Variants in CHLSN observed in about 807,000 individuals in gnomAD.
CHLSN encodes the protein protein cholesin.
the CHLSN span, among the ~76,000 whole-genome samples, chr7:1,022,470 G>C: frequency 0.014 from 2,131 of 152,314 alleles, 102 homozygotes; most frequent in East Asian, 0.19. Flanking sequence ...CTTTTTCTGA[G>C]AAACAAGAGT....
At chr7:985,168 C>T in the CHLSN span, 85 of 1,581,016 alleles carry the variant, frequency 5.4e-5, no homozygotes, top group East Asian at 1.8e-4. Context: ...CCTCGCAGGC[C>T]GGCCCTTCCC....
At chr7:989,887 G>A in the CHLSN span, among the ~76,000 whole-genome samples, 1 of 149,082 alleles carries the variant, frequency 6.7e-6, no homozygotes, top group African/African-American at 2.5e-5. Context: ...GGTCGGCAGT[G>A]TGAGTGGCGC....
the CHLSN span, among the ~76,000 whole-genome samples, chr7:1,108,296 A>G: frequency 8.8e-6 from 1 of 113,198 alleles, no homozygotes; most frequent in Non-Finnish European, 1.9e-5. Flanking sequence ...GAAGCAGGGG[A>G]GGGCTGTGTC....
the CHLSN span, among the ~76,000 whole-genome samples, chr7:1,011,698 A>G: frequency 4.6e-5 from 7 of 150,754 alleles, no homozygotes; most frequent in Non-Finnish European, 8.9e-5. Flanking sequence ...CCACACACCC[A>G]GACACCCACA....
the CHLSN span, chr7:1,057,968 G>A: frequency 1.2e-3 from 898 of 771,418 alleles, 15 homozygotes; most frequent in South Asian, 0.011. Context: ...GCGGCTTCGT[G>A]TGGGGTGGCG....
At chr7:1,129,164 C>T in the CHLSN span, among the ~76,000 whole-genome samples, 1 of 30,928 alleles carries the variant, frequency 3.2e-5, no homozygotes, top group Non-Finnish European at 5.3e-5. Context: ...CACCGTCACC[C>T]GGGCTGGAGT....
the CHLSN span, chr7:1,025,734 G>C: frequency 3.3e-5 from 5 of 152,266 alleles, no homozygotes; most frequent in African/African-American, 1.2e-4. Flanking sequence ...CAGTGGAGCT[G>C]AGGGCTGGCG....
At chr7:1,113,125 G>A in the CHLSN span, among the ~76,000 whole-genome samples, 7 of 152,146 alleles carry the variant, frequency 4.6e-5, no homozygotes, top group South Asian at 1.2e-3. Context: ...ACACCCGCAC[G>A]TACAACCGTG....
At chr7:1,062,141 T>C in the CHLSN span, among the ~76,000 whole-genome samples, 1 of 152,242 alleles carries the variant, frequency 6.6e-6, no homozygotes, top group Non-Finnish European at 1.5e-5. Context: ...TATTTTTGTT[T>C]ATCCACAAAA....
At chr7:1,038,007 T>C in the CHLSN span, among the ~76,000 whole-genome samples, 3 of 88,214 alleles carry the variant, frequency 3.4e-5, no homozygotes, top group East Asian at 3.1e-4. Context: ...ACCCTCTGCC[T>C]GGCAACCACC....
At chr7:1,108,281 G>C in the CHLSN span, among the ~76,000 whole-genome samples, 1 of 145,276 alleles carries the variant, frequency 6.9e-6, no homozygotes, top group African/African-American at 2.6e-5. Context: ...CCCGCACCCC[G>C]GGGGGAAGCA....
chr7:1,054,130 A>G, the CHLSN span, among the ~76,000 whole-genome samples: 1 of 152,192 alleles, frequency 6.6e-6, no homozygotes, highest in Non-Finnish European at 1.5e-5. Flanking sequence ...GAGCCCACGG[A>G]GCAGCCCGCC....
chr7:1,126,076 G>A, the CHLSN span, among the ~76,000 whole-genome samples: 1 of 152,074 alleles, frequency 6.6e-6, no homozygotes, highest in African/African-American at 2.4e-5. Flanking sequence ...GAATAAAAAT[G>A]CAGGGCCTGG....
the CHLSN span, among the ~76,000 whole-genome samples, chr7:1,069,500 C>T: frequency 6.9e-6 from 1 of 145,700 alleles, no homozygotes; most frequent in East Asian, 2.0e-4. Flanking sequence ...CCTGCGATTG[C>T]AGGCACGCGC....
chr7:1,112,115 C>A, the CHLSN span, among the ~76,000 whole-genome samples: 17 of 152,318 alleles, frequency 1.1e-4, no homozygotes, highest in South Asian at 4.1e-4. Context: ...TGGCAAACAT[C>A]TGGGCTGATC....
chr7:1,063,471 A>G, the CHLSN span, among the ~76,000 whole-genome samples: 1 of 152,116 alleles, frequency 6.6e-6, no homozygotes, highest in Non-Finnish European at 1.5e-5. Context: ...CAGGCACTAC[A>G]ATTCACTGGT....
chr7:1,101,787 G>A, the CHLSN span, among the ~76,000 whole-genome samples: 1 of 152,252 alleles, frequency 6.6e-6, no homozygotes, highest in South Asian at 2.1e-4. Flanking sequence ...GCAGGCCCAG[G>A]GAGATGTCAG....
the CHLSN span, among the ~76,000 whole-genome samples, chr7:1,016,126 GCAGCACACGC>G: frequency 2.2e-5 from 2 of 89,884 alleles, 1 homozygote. Context: ...GCAGCACACA[GCAGCACACGC>G]CAGCACACAG....
chr7:1,049,251 C>T, the CHLSN span, among the ~76,000 whole-genome samples: 3 of 152,268 alleles, frequency 2.0e-5, no homozygotes, highest in Admixed American at 1.3e-4. Context: ...CAAAAGGTCA[C>T]AGAACAGCTT....
Sources: gnomAD v4.1 joint callset for allele counts (sites outside exome capture counted in the v4.1 genomes callset) on GRCh38, gnomAD v4.1.1 for gene constraint, MANE v1.5 for transcripts, NCBI Gene and HGNC (gene_info 2026-07-23, HGNC 2026-07-21) for gene names.